Variants in PCDHGA1 observed in about 807,000 individuals in gnomAD.
PCDHGA1 encodes the protein protocadherin gamma-A1.
PCDHGA1 carries 32 observed loss-of-function variants against 58.0 expected under a neutral mutation model. The observed-to-expected ratio is 0.55, with a 90% CI of 0.42 to 0.74. The LOEUF (loss-of-function observed/expected upper bound fraction) is 0.74. PCDHGA1 is among the 30% of genes least tolerant of loss of function. The pLI is 0.00. For synonymous variants in PCDHGA1, 498 were observed against 501.1 expected, an observed-to-expected ratio of 0.99 and a Z score of 0.08; for missense variants, 1,205 against 1,182.3, an observed-to-expected ratio of 1.02 and a Z score of -0.28.
chr5:141,416,728 T>C (rs2096057160), intron 1 of PCDHGA1: 1 of 152,232 alleles, frequency 6.6e-6, no homozygotes, highest in Non-Finnish European at 1.5e-5. Context: ...GTTCATTTAG[T>C]TCAATGAAAA....
intron 1 of PCDHGA1, among the ~76,000 whole-genome samples, chr5:141,400,971 C>T (rs1161811260): frequency 6.6e-6 from 1 of 152,138 alleles, no homozygotes; most frequent in African/African-American, 2.4e-5. Flanking sequence ...TCATCTCTTT[C>T]TTATGTTCCT....
intron 1 of PCDHGA1, chr5:141,383,006 C>A (rs751850819): frequency 1.9e-6 from 3 of 1,613,640 alleles, no homozygotes; most frequent in Non-Finnish European, 2.5e-6. Context: ...TACTCCGTGT[C>A]GGAGGAGACG....
intron 3 of PCDHGA1, 46 bp from the exon 4 acceptor site, chr5:141,510,901 A>G: frequency 1.9e-6 from 3 of 1,613,412 alleles, no homozygotes; most frequent in African/African-American, 2.7e-5. Flanking sequence ...GTGACTGTTG[A>G]GGACCCTAAG....
At chr5:141,481,649 C>G (rs1199734660) in intron 1 of PCDHGA1, among the ~76,000 whole-genome samples, 1 of 152,012 alleles carries the variant, frequency 6.6e-6, no homozygotes, top group African/African-American at 2.4e-5. Flanking sequence ...GAAACTTCAT[C>G]TCTACTAATA....
intron 2 of PCDHGA1, among the ~76,000 whole-genome samples, chr5:141,500,292 T>A (rs1001226545): frequency 2.0e-5 from 3 of 151,954 alleles, no homozygotes; most frequent in Non-Finnish European, 4.4e-5. Context: ...CACTGCAAGC[T>A]CCGCCTCCCA....
chr5:141,467,055 C>CTTTTT (rs1193465269), intron 1 of PCDHGA1, among the ~76,000 whole-genome samples: 1 of 134,496 alleles, frequency 7.4e-6, no homozygotes, highest in Non-Finnish European at 1.6e-5. Context: ...TCAATGTTTT[C>CTTTTT]TTTTTTTTTT....
chr5:141,478,521 G>A, intron 1 of PCDHGA1: 1 of 1,610,618 alleles, frequency 6.2e-7, no homozygotes, highest in Non-Finnish European at 8.5e-7. Context: ...CAGGTGTTGG[G>A]TGCAGAGAGC....
chr5:141,415,203 G>C (rs2095843560), intron 1 of PCDHGA1: 24 of 1,614,032 alleles, frequency 1.5e-5, no homozygotes, highest in Non-Finnish European at 2.0e-5. Flanking sequence ...CCCAAGTCCT[G>C]GCGGACCTCG....
chr5:141,406,375 T>C (rs1427638211), intron 1 of PCDHGA1, among the ~76,000 whole-genome samples: 1 of 152,186 alleles, frequency 6.6e-6, no homozygotes, highest in Non-Finnish European at 1.5e-5. Flanking sequence ...GGTAAACTGA[T>C]AAAAAGGTAA....
rs1029080327 is a variant in PCDHGA1 at position 141,512,737 on chromosome 5, G to C, written c.*1564G>C. 6.5e-5 allele frequency: 10 copies of C among 152,868 alleles called. No individual in the cohort carries two copies. The highest frequency in any genetic ancestry group is 2.4e-4 in the African/African-American group (10 of 41,472). 9.5% of individuals were successfully genotyped at this position (152,868 alleles called of 1,614,324 possible). On this transcript the variant is annotated 3_prime_UTR_variant, in exon 4 of 4. Transcript: ENST00000517417. Reference sequence around the variant, plus strand: ...ATGGCGGGTGGGCAGCGGGCGGCGGGCTCCGCGCAGCCGTCTGTCCTTGAT... The same window carrying C: ...ATGGCGGGTGGGCAGCGGGCGGCGGCCTCCGCGCAGCCGTCTGTCCTTGAT...
At chr5:141,340,028 A>G in intron 1 of PCDHGA1, 2 of 1,614,184 alleles carry the variant, frequency 1.2e-6, no homozygotes, top group East Asian at 2.2e-5. Flanking sequence ...GACATCTGCT[A>G]CTAGCTCAGT....
At chr5:141,355,389 A>G (rs911908895) in intron 1 of PCDHGA1, 2 of 1,614,068 alleles carry the variant, frequency 1.2e-6, no homozygotes, top group Non-Finnish European at 1.7e-6. Context: ...CGGAGCGCGG[A>G]GTCCGCATCG....
intron 1 of PCDHGA1, chr5:141,357,343 A>C: frequency 6.2e-7 from 1 of 1,614,080 alleles, no homozygotes; most frequent in Non-Finnish European, 8.5e-7. Flanking sequence ...GCTAGCACTC[A>C]AGCTGAGACG....
chr5:141,392,713 G>C, intron 1 of PCDHGA1: 1 of 1,363,444 alleles, frequency 7.3e-7, no homozygotes, highest in Non-Finnish European at 9.6e-7. Flanking sequence ...AGGCACTCCA[G>C]GTTTCCGGAG....
At chr5:141,507,786 G>A (rs536470814) in intron 3 of PCDHGA1, among the ~76,000 whole-genome samples, 3 of 152,292 alleles carry the variant, frequency 2.0e-5, no homozygotes, top group East Asian at 1.9e-4. Context: ...CCTGACCCTC[G>A]TCTAAGCCTG....
chr5:141,476,336 C>G lies in PCDHGA1; in HGVS notation c.2422-18471C>G, dbSNP rs1228900349. The G allele has an allele frequency of 2.5e-6, 4 of 1,614,008 alleles. No individual in the cohort carries two copies. The highest frequency in any genetic ancestry group is 2.2e-5 in the East Asian group (1 of 44,854). ...GTTCCGGGTGGTGTCTGGAGCTAGC[C>G]GAAGATTCTTTGAGGTGAACCGGGA... On this transcript the variant is annotated intron_variant, in intron 1 of 3. Coordinates refer to ENST00000517417, the MANE Select transcript of PCDHGA1 (RefSeq NM_018912.3). The surrounding 1 kb of genome is among the most constrained non-coding windows in gnomAD (Gnocchi z 7.6).
chr5:141,475,977 A>C, intron 1 of PCDHGA1: 1 of 972,828 alleles, frequency 1.0e-6, no homozygotes, highest in Non-Finnish European at 1.5e-6. Flanking sequence ...GAGACTGAAC[A>C]GCCGGCGAGC....
At chr5:141,352,975 G>A (rs1463043054) in intron 1 of PCDHGA1, among the ~76,000 whole-genome samples, 11 of 152,080 alleles carry the variant, frequency 7.2e-5, no homozygotes, top group Admixed American at 7.2e-4. Context: ...GTGATGGGAG[G>A]GAAACTGTCT....
rs2099400874 is a variant in PCDHGA1 at position 141,476,888 on chromosome 5, C to T, written c.2422-17919C>T. On this transcript the variant is annotated intron_variant, in intron 1 of 3. Transcript: ENST00000517417. This position sits in a 1 kb window ranked among gnomAD's most constrained non-coding sequence, Gnocchi z 7.6. ...CCGGGCGCGCGTCCTGGAGGATGCA[C>T]CCTCCGGCACGCGCGTGGTACAAGT... is the stretch of plus-strand genomic sequence containing the variant. 1.2e-6 allele frequency: 2 copies of T among 1,613,964 alleles called. No homozygotes were observed. The highest frequency in any genetic ancestry group is 1.7e-6 in the Non-Finnish European group (2 of 1,180,030).
Sources: allele counts gnomAD v4.1 joint callset (sites outside exome capture counted in the v4.1 genomes callset), GRCh38; gene constraint gnomAD v4.1.1; non-coding constraint Gnocchi (gnomAD v3.1); transcripts MANE v1.5; gene names NCBI Gene and HGNC (gene_info 2026-07-23, HGNC 2026-07-21).